The following CCDC191 variants were observed in gnomAD, a reference collection of about 807,000 sequenced individuals.
CCDC191 encodes coiled-coil domain-containing protein 191.
A neutral mutation model predicts 114.0 loss-of-function variants in CCDC191; 99 were observed. The observed-to-expected ratio is 0.87, with a 90% CI of 0.74 to 1.03. The LOEUF (loss-of-function observed/expected upper bound fraction) is 1.03. CCDC191 is among the 50% of genes least tolerant of loss of function. The pLI, the probability that CCDC191 is intolerant of heterozygous loss-of-function variation, is 0.00. For missense variants in CCDC191, 973 were observed against 1,087.0 expected, an observed-to-expected ratio of 0.90 and a Z score of 1.47; for synonymous variants, 351 against 376.0, an observed-to-expected ratio of 0.93 and a Z score of 0.77.
chr3:114,035,063 G>A lies in CCDC191; in HGVS notation c.680C>T (p.Ala227Val), dbSNP rs191576929. The A allele has an allele frequency of 6.0e-4, 969 of 1,613,978 alleles. 4 individuals carry two copies. Among genetic ancestry groups the A allele is most frequent in the South Asian group, 2.1e-3 (187 of 91,072 alleles). The part of the protein sequence containing the change: ...KTLKKSAFLE[A>V]QCLVQEEKKR... ...CTTCTCTTCTTGCACCAGACACTGA[G>A]CCTCCAAGAAGGCCGATTTTTTCAG... Residue 227 changes from alanine to valine, a missense_variant, in exon 6 of 17, where the codon GCT (alanine) becomes GTT (valine). Transcript: ENST00000295878.
intron 7 of CCDC191, among the ~76,000 whole-genome samples, chr3:114,022,027 G>A (rs1296387948): frequency 6.6e-6 from 1 of 152,054 alleles, no homozygotes; most frequent in Non-Finnish European, 1.5e-5. Context: ...AATACAGAAA[G>A]TCACTGAAGG....
chr3:113,969,244 G>GACAA (rs1940548760), intron 16 of CCDC191, among the ~76,000 whole-genome samples: 1 of 152,176 alleles, frequency 6.6e-6, no homozygotes, highest in Admixed American at 6.5e-5. Flanking sequence ...AGGTGCAGGG[G>GACAA]ACAAACATCC....
intron 7 of CCDC191, among the ~76,000 whole-genome samples, chr3:114,027,616 A>AG (rs1379694379): frequency 2.0e-4 from 30 of 149,068 alleles, no homozygotes; most frequent in East Asian, 7.8e-4. Flanking sequence ...AAAAAAAAAA[A>AG]AAAAAAGAAA....
intron 13 of CCDC191, among the ~76,000 whole-genome samples, chr3:113,992,704 G>A (rs1246728411): frequency 1.3e-5 from 2 of 151,986 alleles, no homozygotes; most frequent in Admixed American, 6.6e-5. Context: ...TTGTGCACAC[G>A]TACCCTAAAA....
chr3:113,982,571 C>G (rs2075196149), intron 13 of CCDC191, among the ~76,000 whole-genome samples: 1 of 151,848 alleles, frequency 6.6e-6, no homozygotes, highest in African/African-American at 2.4e-5. Flanking sequence ...GGGCTTCTTT[C>G]TGAAATAAAT....
intron 13 of CCDC191, among the ~76,000 whole-genome samples, chr3:113,993,970 T>G (rs1237903241): frequency 6.6e-6 from 1 of 152,114 alleles, no homozygotes. Context: ...AAGGAAAAAC[T>G]GAAAATCTGA....
chr3:113,996,136 C>G (rs1392448056), intron 13 of CCDC191, among the ~76,000 whole-genome samples: 1 of 152,126 alleles, frequency 6.6e-6, no homozygotes, highest in East Asian at 1.9e-4. Context: ...AATTAGATCC[C>G]ATTTGTCAAT....
At chr3:114,005,994 A>G (rs2075952299) in intron 9 of CCDC191, 32 bp from the exon 10 acceptor site, 2 of 1,564,874 alleles carry the variant, frequency 1.3e-6, no homozygotes, top group South Asian at 2.2e-5. Flanking sequence ...TAGCTCAACT[A>G]TTTAAAGGAC....
At chr3:113,991,804 A>G (rs2075575386) in intron 13 of CCDC191, among the ~76,000 whole-genome samples, 1 of 152,236 alleles carries the variant, frequency 6.6e-6, no homozygotes, top group Admixed American at 6.5e-5. Context: ...CCAAAAAGTG[A>G]GTTTAGCAAG....
At chr3:114,014,425 T>C (rs1350995540) in intron 8 of CCDC191, among the ~76,000 whole-genome samples, 2 of 152,072 alleles carry the variant, frequency 1.3e-5, no homozygotes, top group East Asian at 1.9e-4. Flanking sequence ...GGAAGGACAA[T>C]TGAACATGAT....
chr3:113,979,158 C>T (rs1382064619), intron 14 of CCDC191, 148 bp from the exon 15 acceptor site: 5 of 739,884 alleles, frequency 6.8e-6, no homozygotes, highest in Non-Finnish European at 1.1e-5. Flanking sequence ...GTCCTAAAAG[C>T]TTTGACTGTT....
At chr3:114,011,993 A>G (rs191484232) in intron 8 of CCDC191, among the ~76,000 whole-genome samples, 47 of 152,342 alleles carry the variant, frequency 3.1e-4, no homozygotes, top group Non-Finnish European at 5.6e-4. Context: ...ACTGGATTGT[A>G]TCTTGGAAAG....
chr3:113,982,959 G>C (rs1468645136), intron 13 of CCDC191, among the ~76,000 whole-genome samples: 1 of 151,614 alleles, frequency 6.6e-6, no homozygotes, highest in Admixed American at 6.6e-5. Context: ...ATCTATCTCT[G>C]ATCTCAGGAG....
At position 113,965,255 on chromosome 3, in the gene CCDC191, AC is replaced by A. The variant is rs1235800079; in HGVS notation, c.2710del (p.Val904LeufsTer25). ...TACCTGGAAGTCTGGAAGAATTTCA[AC>A]TACCTTCCTACGAAGTTGCTGTCGC... ...ERRQQLRRKV[V>X]EILPDFQVPG... On this transcript the variant is annotated frameshift_variant, in exon 17 of 17. Coordinates refer to ENST00000295878, the MANE Select transcript of CCDC191 (RefSeq NM_020817.2). LOFTEE classifies it low-confidence loss of function (END_TRUNC). The A allele has an allele frequency of 3.7e-6, 6 of 1,611,786 alleles. No individual in the cohort carries two copies. The highest frequency in any genetic ancestry group is 4.2e-6 in the Non-Finnish European group (5 of 1,178,958).
Position 114,036,805 on chromosome 3 carries a change from C to T in CCDC191, c.416-19G>A, listed in dbSNP as rs1489776604. 2 of 1,483,326 alleles carry T rather than the reference C, an allele frequency of 1.3e-6. No homozygotes were observed. The highest frequency in any genetic ancestry group is 1.4e-5 in the South Asian group (1 of 69,256). 91.9% of individuals were successfully genotyped at this position (1,483,326 alleles called of 1,614,324 possible). On this transcript the variant is annotated intron_variant, in intron 4 of 16. Transcript: ENST00000295878. ...CATAAATCTGGGGGAAACAGAACAACAAAAAAGGGAATTTTTTTAAAAAAT... is the reference window on the plus strand; with the variant it reads ...CATAAATCTGGGGGAAACAGAACAATAAAAAAGGGAATTTTTTTAAAAAAT...
chr3:114,054,762 A>G (rs904727791), intron 1 of CCDC191, among the ~76,000 whole-genome samples: 12 of 152,356 alleles, frequency 7.9e-5, no homozygotes, highest in South Asian at 4.1e-4. Flanking sequence ...TCAGTCAGGT[A>G]TTAATCTGAA....
intron 9 of CCDC191, among the ~76,000 whole-genome samples, chr3:114,009,957 C>T (rs1023073048): frequency 6.6e-6 from 1 of 151,948 alleles, no homozygotes; most frequent in African/African-American, 2.4e-5. Context: ...ATATGTATTA[C>T]GTCCACTTGC....
At chr3:114,041,043 C>A (rs1288282622) in intron 4 of CCDC191, among the ~76,000 whole-genome samples, 1 of 150,894 alleles carries the variant, frequency 6.6e-6, no homozygotes, top group Non-Finnish European at 1.5e-5. Flanking sequence ...AAAAACTCTA[C>A]CAGCATACGA....
intron 16 of CCDC191, among the ~76,000 whole-genome samples, chr3:113,969,184 T>C (rs1195301282): frequency 1.3e-5 from 2 of 152,162 alleles, no homozygotes; most frequent in African/African-American, 4.8e-5. Context: ...CCCAAATACC[T>C]CCCATTAGAC....
Sources: gnomAD v4.1 joint callset for allele counts (sites outside exome capture counted in the v4.1 genomes callset) on GRCh38, gnomAD v4.1.1 for gene constraint, MANE v1.5 for transcripts, NCBI Gene and HGNC (gene_info 2026-07-23, HGNC 2026-07-21) for gene names.